Variants in MAMDC4 observed in about 807,000 individuals in gnomAD.
MAMDC4 encodes apical endosomal glycoprotein.
MAMDC4 carries 168 observed loss-of-function variants against 153.3 expected under a neutral mutation model. That is an observed-to-expected ratio of 1.10 (90% confidence interval 0.97 to 1.25). The LOEUF (loss-of-function observed/expected upper bound fraction) is 1.25. Ranked by LOEUF, MAMDC4 falls within the 50% of genes most tolerant of loss-of-function variation. MAMDC4 has a pLI of 0.00. For missense variants in MAMDC4, 1,701 were observed against 1,542.8 expected (o/e 1.10, Z -1.72); for synonymous variants, 744 against 651.5 (o/e 1.14, Z -2.16).
chr9:136,854,183 G>C, intron 6 of MAMDC4, 28 bp from the exon 7 acceptor site: 4 of 1,611,656 alleles, frequency 2.5e-6, no homozygotes, highest in Non-Finnish European at 3.4e-6. Context: ...CTGGGGCCTC[G>C]GTGAAGGGTT....
rs771791725 is a variant in MAMDC4 at position 136,857,961 on chromosome 9, G to A, written c.2465-18G>A. 6.0e-5 allele frequency: 90 copies of A among 1,493,720 alleles called. No individual in the cohort carries two copies. The highest frequency in any genetic ancestry group is 7.3e-5 in the Non-Finnish European group (82 of 1,125,644). 92.5% of individuals were successfully genotyped at this position (1,493,720 alleles called of 1,614,324 possible). On this transcript the variant is annotated intron_variant, in intron 19 of 26. Coordinates refer to ENST00000317446, the MANE Select transcript of MAMDC4 (RefSeq NM_206920.3). ...GTGCTCTCCCCACACTGCTGACCTGGGCCGCCCCTGCTGGCAGGCACCCTG... is the reference window on the plus strand; with the variant it reads ...GTGCTCTCCCCACACTGCTGACCTGAGCCGCCCCTGCTGGCAGGCACCCTG...
In MAMDC4 at chr9:136,857,669, G is replaced by A; in HGVS notation, c.2337G>A (p.Met779Ile). The change falls in exon 19 of 27, where the codon ATG becomes ATA. Residue 779 changes from methionine (M) to isoleucine (I), a missense_variant. Met to Ile is a conservative substitution (Grantham distance 10). Coordinates refer to ENST00000317446, the MANE Select transcript of MAMDC4 (RefSeq NM_206920.3). ...TGCTGGCACCTCCAGGGCACTACAT[G>A]GTGGTGGACACAAGCCCAGACGCAC... Reference protein sequence around the residue: ...HTTETAQGHYMVVDTSPDALP... With the variant: ...HTTETAQGHYIVVDTSPDALP... 1 of 1,612,594 alleles carries A rather than the reference G, an allele frequency of 6.2e-7. No homozygotes were observed. The highest frequency in any genetic ancestry group is 8.5e-7 in the Non-Finnish European group (1 of 1,179,848).
chr9:136,857,895 C>T (rs1190513611), intron 19 of MAMDC4, 84 bp from the exon 20 acceptor site: 31 of 1,486,648 alleles, frequency 2.1e-5, no homozygotes, highest in South Asian at 2.6e-5. Context: ...CTCTTGCGCC[C>T]GCCAGGCTGG....
intron 14 of MAMDC4, 96 bp downstream of exon 14, chr9:136,856,245 C>T (rs759368775): frequency 2.5e-6 from 4 of 1,588,162 alleles, no homozygotes; most frequent in Middle Eastern, 3.3e-4. Flanking sequence ...TGCCCCCCGC[C>T]CCGCTGGCCA....
rs1367158981 is a variant in MAMDC4, at chr9:136,855,793, G to A, written c.1533G>A (p.Leu511=). The A allele has an allele frequency of 3.9e-6, 6 of 1,549,468 alleles. No individual in the cohort carries two copies. In the Admixed American group the frequency reaches 8.0e-5, roughly 21 times the overall value. Reference sequence around the variant, plus strand: ...GGGAGGACGCCAGCGTGGGGCGGCTGCAGTGGCGGCGTGTCTCAGCCCAGG... The same window carrying A: ...GGGAGGACGCCAGCGTGGGGCGGCTACAGTGGCGGCGTGTCTCAGCCCAGG... ...GGWEDASVGR[L]QWRRVSAQES... Residue 511 remains leucine (L), a synonymous_variant, in exon 13 of 27, where the codon CTG becomes CTA. Coordinates refer to ENST00000317446, the MANE Select transcript of MAMDC4 (RefSeq NM_206920.3).
At position 136,854,833 on chromosome 9, in the gene MAMDC4, G is replaced by A. The variant is rs1336149225; in HGVS notation, c.1006G>A (p.Gly336Ser). The change falls in exon 9 of 27, where the codon GGC becomes AGC. Residue 336 changes from glycine (G) to serine (S), a missense_variant. Physicochemically the swap from Gly to Ser is moderately conservative, Grantham distance 56 (BLOSUM62 0). Coordinates refer to ENST00000317446, the MANE Select transcript of MAMDC4 (RefSeq NM_206920.3). ...CTCCAGCCCCGAATTCCAAGCCTCA[G>A]GCACCTCCAACTGCTCGGTGAGATG... ...ILSSPEFQAS[G>S]TSNCSLVFYQ... 1 of 1,612,802 alleles carries A rather than the reference G, an allele frequency of 6.2e-7. No homozygotes were observed. Among genetic ancestry groups the A allele is most frequent in the Non-Finnish European group, 8.5e-7 (1 of 1,179,862 alleles).
rs766291431 is a variant in MAMDC4, at chr9:136,857,777, C to A, written c.2445C>A (p.His815Gln). Residue 815 changes from histidine to glutamine, a missense_variant, in exon 19 of 27, where the codon CAC (histidine) becomes CAA (glutamine). Physicochemically the swap from His to Gln is conservative, Grantham distance 24 (BLOSUM62 0). Transcript: ENST00000317446. ...CTGCTTGTCTGACCTTCTGGTACCA[C>A]GGGAGCCTCCGCAGCCCAGGTGAGG... is the stretch of plus-strand genomic sequence containing the variant. Reference protein sequence around the residue: ...AQPACLTFWYHGSLRSPGTLR... With the variant: ...AQPACLTFWYQGSLRSPGTLR... 1 of 1,612,298 alleles carries A rather than the reference C, an allele frequency of 6.2e-7. No homozygotes were observed. Among genetic ancestry groups the A allele is most frequent in the Admixed American group, 1.7e-5 (1 of 59,980 alleles).
rs771723588 is a variant in MAMDC4, at chr9:136,853,113, G to C, written c.58G>C (p.Gly20Arg). ...ALVLFLAGSS[G>R]WAWVPNHCRS... ...CAACCTCCCAGCAGCAGGGTCCTCA[G>C]GCTGGGCCTGGGTCCCCAACCACTG... Residue 20 changes from glycine to arginine, a missense_variant, in exon 2 of 27, where the codon GGC becomes CGC. Transcript: ENST00000317446. 4 of 1,612,438 alleles carry C rather than the reference G, an allele frequency of 2.5e-6. No individual in the cohort carries two copies. The highest frequency in any genetic ancestry group is 3.3e-5 in the Admixed American group (2 of 59,986).
chr9:136,860,558 C>T lies in MAMDC4; in HGVS notation c.3373-4C>T, dbSNP rs1183555404. 6.2e-7 allele frequency: 1 copy of T among 1,611,730 alleles called. No homozygotes were observed. The highest frequency in any genetic ancestry group is 8.5e-7 in the Non-Finnish European group (1 of 1,179,700). ...AAAAAAAAAGCTCCTCTTCCTCCTC[C>T]TAGGATGGTGTCACCCTCCCGGCAT... On this transcript the variant is annotated splice_polypyrimidine_tract_variant and splice_region_variant and intron_variant, in intron 26 of 26. Transcript: ENST00000317446.
chr9:136,852,623 G>C (rs993118979), intron 1 of MAMDC4, among the ~76,000 whole-genome samples, 161 bp downstream of exon 1: 5 of 152,206 alleles, frequency 3.3e-5, no homozygotes, highest in Admixed American at 2.6e-4. Flanking sequence ...GGGTGACCTG[G>C]AATCAGCCCA....
chr9:136,856,073 CCT>C lies in MAMDC4; in HGVS notation c.1646_1647del (p.Leu549HisfsTer12). ...WGQLGAEARVLTPLLGPSGPS... is the reference protein window; with the variant it reads ...WGQLGAEARVXTPLLGPSGPS... The stretch of plus-strand genomic sequence containing the variant: ...GGCAGCTAGGCGCTGAGGCCCGGGT[CCT>C]CACACCCCTCCTTGGCCCTTCTGGC... On this transcript the variant is annotated frameshift_variant, in exon 14 of 27. Transcript: ENST00000317446. LOFTEE classifies it high-confidence loss of function. 6.2e-7 allele frequency: 1 copy of C among 1,612,492 alleles called. No individual in the cohort carries two copies.
Position 136,860,716 on chromosome 9 carries a change from A to G in MAMDC4, c.*113A>G. 1 of 1,191,086 alleles carries G rather than the reference A, an allele frequency of 8.4e-7. No homozygotes were observed. Among genetic ancestry groups the G allele is most frequent in the Non-Finnish European group, 1.2e-6 (1 of 814,904 alleles). The allele number at this position is 1,191,086 out of a possible 1,614,324, so 73.8% of individuals were successfully genotyped here. ...GCTGGGACAGGCTGCAGGTCTCAGG[A>G]TATGCTGAGGCCTGGGCGTTCCCTG... On this transcript the variant is annotated 3_prime_UTR_variant, in exon 27 of 27. Coordinates refer to ENST00000317446, the MANE Select transcript of MAMDC4 (RefSeq NM_206920.3).
intron 1 of MAMDC4, 57 bp from the exon 2 acceptor site, chr9:136,853,045 G>A: frequency 6.9e-7 from 1 of 1,459,806 alleles, no homozygotes; most frequent in East Asian, 2.3e-5. Context: ...GTCCTAGGCA[G>A]GCTGGGATGG....
rs779743958 is a variant in MAMDC4 at position 136,853,380 on chromosome 9, A to T, written c.250A>T (p.Ser84Cys). The T allele has an allele frequency of 2.5e-6, 4 of 1,606,578 alleles. No individual in the cohort carries two copies. In the Admixed American group the frequency reaches 6.7e-5, roughly 27 times the overall value. ...GWRDISTSGY[S>C]WLRDRAGAAL... is the part of the protein sequence containing the mutation. ...GCGGGACATTAGTACCTCAGGCTAC[A>T]GCTGGCTCCGAGACAGGGCAGGGGC... The change falls in exon 3 of 27, where the codon AGC becomes TGC. Residue 84 changes from serine to cysteine, a missense_variant. Coordinates refer to ENST00000317446, the MANE Select transcript of MAMDC4 (RefSeq NM_206920.3).
chr9:136,859,134 T>G lies in MAMDC4; in HGVS notation c.3084+2T>G. ...GTAGCCAGTGCCAAGGAGTTCCAGGTGAGGCTGGCTGTGGGCAAGGAGCCT... is the reference window on the plus strand; with the variant it reads ...GTAGCCAGTGCCAAGGAGTTCCAGGGGAGGCTGGCTGTGGGCAAGGAGCCT... On this transcript the variant is annotated splice_donor_variant, in intron 24 of 26. Coordinates refer to ENST00000317446, the MANE Select transcript of MAMDC4 (RefSeq NM_206920.3). LOFTEE classifies it high-confidence loss of function. The G allele has an allele frequency of 6.4e-7, 1 of 1,569,166 alleles. No homozygotes were observed.
intron 19 of MAMDC4, 22 bp from the exon 20 acceptor site, chr9:136,857,957 C>G (rs1333751981): frequency 6.7e-7 from 1 of 1,490,180 alleles, no homozygotes; most frequent in Non-Finnish European, 8.9e-7. Context: ...ACACTGCTGA[C>G]CTGGGCCGCC....
chr9:136,855,661 C>A (rs1264733392), intron 12 of MAMDC4, 42 bp downstream of exon 12: 1 of 1,566,270 alleles, frequency 6.4e-7, no homozygotes, highest in Non-Finnish European at 8.7e-7. Context: ...GCTGCGGAGC[C>A]AAGGGGGTAG....
Position 136,855,251 on chromosome 9 carries a change from C to T in MAMDC4, c.1198-3C>T. On this transcript the variant is annotated splice_polypyrimidine_tract_variant and splice_region_variant and intron_variant, in intron 10 of 26. Coordinates refer to ENST00000317446, the MANE Select transcript of MAMDC4 (RefSeq NM_206920.3). The stretch of plus-strand genomic sequence containing the variant: ...GGCACCCCCTGAGCCCCTCTGCCCT[C>T]AGATCCTCCTGGCCGGGCAGACAGG... 1 of 1,589,932 alleles carries T rather than the reference C, an allele frequency of 6.3e-7. No individual in the cohort carries two copies. The highest frequency in any genetic ancestry group is 8.6e-7 in the Non-Finnish European group (1 of 1,168,402).
Position 136,857,525 on chromosome 9 carries a change from C to T in MAMDC4, c.2265C>T (p.Ala755=). 3.1e-6 allele frequency: 5 copies of T among 1,611,126 alleles called. No homozygotes were observed. The highest frequency in any genetic ancestry group is 4.2e-6 in the Non-Finnish European group (5 of 1,179,964). The change falls in exon 18 of 27, where the codon GCC becomes GCT. Residue 755 remains alanine (A), a synonymous_variant. Coordinates refer to ENST00000317446, the MANE Select transcript of MAMDC4 (RefSeq NM_206920.3). Reference sequence around the variant, plus strand: ...GCCAAGGTCTCTGGAGGCGGCAGGCCAATGCCTCGGGCCATGCTGCCTGGG... The same window carrying T: ...GCCAAGGTCTCTGGAGGCGGCAGGCTAATGCCTCGGGCCATGCTGCCTGGG... ...PGGQGLWRRQ[A]NASGHAAWGP...
Sources: allele counts gnomAD v4.1 joint callset (sites outside exome capture counted in the v4.1 genomes callset), GRCh38; gene constraint gnomAD v4.1.1; transcripts MANE v1.5; gene names NCBI Gene and HGNC (gene_info 2026-07-23, HGNC 2026-07-21).